Variants in CRACD observed in about 807,000 individuals in gnomAD.
CRACD encodes capping protein-inhibiting regulator of actin dynamics.
Under a neutral mutation model 106.8 loss-of-function variants are expected in CRACD, and 56 were observed. That is an observed-to-expected ratio of 0.52 (90% CI 0.42 to 0.66). The LOEUF (loss-of-function observed/expected upper bound fraction) is 0.66. Ranked by LOEUF, CRACD falls within the 30% of genes least tolerant of loss-of-function variation. The pLI is 0.00. For missense variants in CRACD, 1,730 were observed against 1,623.2 expected, an observed-to-expected ratio of 1.07 and a Z score of -1.13; for synonymous variants, 754 against 670.8, an observed-to-expected ratio of 1.12 and a Z score of -1.92.
rs56200534 is a variant in CRACD at position 56,294,913 on chromosome 4, C to CAAAAAAAA, written c.-16-3287_-16-3280dup. Reference sequence around the variant, plus strand: ...TGGGTAGCAGAGCAAGACCTTGTCTCAAAAAAAAAAAAAAAAAAAAAGTAA... The same window carrying CAAAAAAAA: ...TGGGTAGCAGAGCAAGACCTTGTCTCAAAAAAAAAAAAAAAAAAAAAAAAAAAAAGTAA... On this transcript the variant is annotated intron_variant, in intron 3 of 10. Transcript: ENST00000682029. Among the ~76,000 whole-genome samples the CAAAAAAAA allele has an allele frequency of 6.9e-5, 5 of 72,154 alleles. 1 individual carries two copies. Among genetic ancestry groups the CAAAAAAAA allele is most frequent in the Non-Finnish European group, 1.2e-4 (5 of 40,698 alleles). 47.3% of individuals were successfully genotyped at this position (72,154 alleles called of 152,430 possible). A position where few individuals can be genotyped will look rare whatever the true frequency, so the allele number is the denominator to read the frequency against.
chr4:56,252,752 G>C (rs1741126701), intron 2 of CRACD, among the ~76,000 whole-genome samples: 1 of 152,178 alleles, frequency 6.6e-6, no homozygotes, highest in Admixed American at 6.5e-5. Flanking sequence ...GACAAACACA[G>C]GTTAGCACAG....
chr4:56,093,699 C>T (rs888674011), intron 1 of CRACD, among the ~76,000 whole-genome samples: 2 of 152,230 alleles, frequency 1.3e-5, no homozygotes, highest in Non-Finnish European at 2.9e-5. Context: ...GTTTTCAATG[C>T]TCTTGTTCTA....
intron 2 of CRACD, among the ~76,000 whole-genome samples, chr4:56,244,441 G>A (rs989096144): frequency 3.3e-5 from 5 of 152,202 alleles, no homozygotes; most frequent in Non-Finnish European, 7.4e-5. Flanking sequence ...TTAGACATAC[G>A]GAGGTACCTA....
intron 1 of CRACD, among the ~76,000 whole-genome samples, chr4:56,081,476 C>T (rs754259179): frequency 6.6e-6 from 1 of 152,074 alleles, no homozygotes; most frequent in Non-Finnish European, 1.5e-5. Context: ...ATATTTAAAG[C>T]AGCTATGAGC....
At chr4:56,121,298 T>C (rs1394724811) in intron 1 of CRACD, among the ~76,000 whole-genome samples, 2 of 152,210 alleles carry the variant, frequency 1.3e-5, no homozygotes, top group African/African-American at 2.4e-5. Context: ...CATTTTGCAA[T>C]ATTTCACTGT....
intron 2 of CRACD, chr4:56,216,380 T>C (rs1182306622): frequency 1.3e-5 from 2 of 152,176 alleles, no homozygotes; most frequent in African/African-American, 2.4e-5. Flanking sequence ...ATTATAACCC[T>C]TTTTGACAGC....
chr4:56,252,386 A>G lies in CRACD; in HGVS notation c.-188-19935A>G, dbSNP rs533235504. ...TTCCCCTAACAGGCTCCATCTTCTTACATGAGGCCAGAATTAGGAAAACTG... is the reference window on the plus strand; with the variant it reads ...TTCCCCTAACAGGCTCCATCTTCTTGCATGAGGCCAGAATTAGGAAAACTG... On this transcript the variant is annotated intron_variant, in intron 2 of 10. Coordinates refer to ENST00000682029, the MANE Select transcript of CRACD (RefSeq NM_001393381.1). Among the ~76,000 whole-genome samples, 9 of 152,286 alleles carry G rather than the reference A, an allele frequency of 5.9e-5. No homozygotes were observed. In the South Asian group the frequency reaches 1.7e-3, roughly 28 times the overall value.
chr4:56,315,304 C>T lies in CRACD; in HGVS notation c.1802C>T (p.Ala601Val), dbSNP rs973840438. ...VPHTAILVTG[A>V]QLCGPAVNLS... ...CACACCGCCATTCTGGTCACGGGCG[C>T]GCAGCTCTGTGGCCCGGCAGTCAAC... Residue 601 changes from alanine to valine, a missense_variant, in exon 8 of 11, where the codon GCG becomes GTG. Ala to Val is a moderately conservative substitution (Grantham distance 64, BLOSUM62 0). Around this residue, in one of 5 missense-constraint regions of CRACD, gnomAD observed 1,620 missense variants for 1,481.6 expected, o/e 1.09. Coordinates refer to ENST00000682029, the MANE Select transcript of CRACD (RefSeq NM_001393381.1). The surrounding 1 kb of genome is among the most constrained non-coding windows in gnomAD (Gnocchi z 4.1). 1 of 1,613,808 alleles carries T rather than the reference C, an allele frequency of 6.2e-7. No homozygotes were observed.
intron 2 of CRACD, among the ~76,000 whole-genome samples, chr4:56,200,040 T>C (rs932913256): frequency 6.6e-6 from 1 of 151,864 alleles, no homozygotes; most frequent in Non-Finnish European, 1.5e-5. Flanking sequence ...CTATTATTTT[T>C]TACCAAATTC....
chr4:56,147,938 G>A (rs1266580132), intron 1 of CRACD, among the ~76,000 whole-genome samples: 1 of 152,184 alleles, frequency 6.6e-6, no homozygotes, highest in African/African-American at 2.4e-5. Context: ...AGTTAAATGA[G>A]GTAGTCGGTT....
chr4:56,216,552 G>A (rs1198205962), intron 2 of CRACD, among the ~76,000 whole-genome samples: 2 of 152,102 alleles, frequency 1.3e-5, no homozygotes, highest in South Asian at 2.1e-4. Context: ...CCAAATAGAG[G>A]GATACACTCT....
chr4:56,104,516 T>A (rs1733880488), intron 1 of CRACD, among the ~76,000 whole-genome samples: 2 of 152,186 alleles, frequency 1.3e-5, no homozygotes, highest in South Asian at 2.1e-4. Flanking sequence ...TTGTCACATT[T>A]TCTGTTTAGC....
At chr4:56,100,792 G>A (rs1419117312) in intron 1 of CRACD, among the ~76,000 whole-genome samples, 1 of 152,156 alleles carries the variant, frequency 6.6e-6, no homozygotes, top group Non-Finnish European at 1.5e-5. Context: ...TGGACTTCTG[G>A]CCTCCACAAT....
intron 2 of CRACD, among the ~76,000 whole-genome samples, chr4:56,232,252 CAACAT>C (rs1346857503): frequency 1.3e-5 from 2 of 152,068 alleles, no homozygotes; most frequent in African/African-American, 4.8e-5. Flanking sequence ...TTTTTTAACT[CAACAT>C]AATTATTCTG....
In CRACD at chr4:56,310,598, AGT is replaced by A; in HGVS notation, c.286-65_286-64del. The A allele has an allele frequency of 2.7e-6, 3 of 1,124,170 alleles. No individual in the cohort carries two copies. The South Asian group carries it at 3.7e-5, about 14-fold the overall frequency. The allele number at this position is 1,124,170 out of a possible 1,614,324, so 69.6% of individuals were successfully genotyped here. ...GGGGTGACCCTACCCAGGCACAGACAGTGTCTGGTTATTTGCCCAGAACTTCC... is the reference window on the plus strand; with the variant it reads ...GGGGTGACCCTACCCAGGCACAGACAGTCTGGTTATTTGCCCAGAACTTCC... On this transcript the variant is annotated intron_variant, in intron 5 of 10. Coordinates refer to ENST00000682029, the MANE Select transcript of CRACD (RefSeq NM_001393381.1).
intron 3 of CRACD, among the ~76,000 whole-genome samples, chr4:56,295,037 C>A (rs1347269225): frequency 2.0e-5 from 3 of 149,124 alleles, no homozygotes; most frequent in African/African-American, 7.4e-5. Context: ...TAAAAAGCTA[C>A]AGCAATTAAG....
At chr4:56,143,988 CTG>C (rs1735293284) in intron 1 of CRACD, among the ~76,000 whole-genome samples, 1 of 152,054 alleles carries the variant, frequency 6.6e-6, no homozygotes, top group African/African-American at 2.4e-5. Context: ...AGAGGAGTCT[CTG>C]TTACAGAGTT....
At chr4:56,250,691 C>G (rs4865076) in intron 2 of CRACD, among the ~76,000 whole-genome samples, 1 of 152,154 alleles carries the variant, frequency 6.6e-6, no homozygotes, top group East Asian at 1.9e-4. Context: ...TGTGTAACAA[C>G]GGGCAAATCA....
At chr4:56,110,415 G>T (rs1734080620) in intron 1 of CRACD, among the ~76,000 whole-genome samples, 1 of 152,140 alleles carries the variant, frequency 6.6e-6, no homozygotes, top group Non-Finnish European at 1.5e-5. Flanking sequence ...AGGAAATAGT[G>T]CATTTACCAT....
Sources: gnomAD v4.1 joint callset for allele counts (sites outside exome capture counted in the v4.1 genomes callset) on GRCh38, gnomAD v4.1.1 for gene constraint, gnomAD v4.1.1 regional missense constraint, Gnocchi (gnomAD v3.1) non-coding constraint, MANE v1.5 for transcripts, NCBI Gene and HGNC (gene_info 2026-07-23, HGNC 2026-07-21) for gene names.